TTC12: variants seen among roughly 807,000 people sequenced by gnomAD.
TTC12 encodes the protein tetratricopeptide repeat protein 12.
Under a neutral mutation model 90.1 loss-of-function variants are expected in TTC12, and 70 were observed. The observed-to-expected ratio is 0.78, with a 90% CI of 0.64 to 0.95. The LOEUF (loss-of-function observed/expected upper bound fraction) is 0.95. Ranked by LOEUF, TTC12 falls within the 40% of genes least tolerant of loss-of-function variation. The pLI is 0.00. For synonymous variants in TTC12, 296 were observed against 311.5 expected (o/e 0.95, Z 0.53); for missense variants, 819 against 846.1 (o/e 0.97, Z 0.40).
At chr11:113,327,138 C>G (rs892087327) in intron 6 of TTC12, among the ~76,000 whole-genome samples, 9 of 152,180 alleles carry the variant, frequency 5.9e-5, no homozygotes, top group Non-Finnish European at 1.2e-4. Flanking sequence ...TTCAGACTGT[C>G]TATACTCTGA....
At chr11:113,364,307 A>G in intron 20 of TTC12, 1 of 221,918 alleles carries the variant, frequency 4.5e-6, no homozygotes, top group Non-Finnish European at 9.0e-6. Context: ...AGTAACTTAA[A>G]CCGGCTGTAG....
chr11:113,365,458 A>T, intron 21 of TTC12: 1 of 224,320 alleles, frequency 4.5e-6, no homozygotes, highest in Non-Finnish European at 9.2e-6. Flanking sequence ...CAGACCCCCC[A>T]CTTCATGTTC....
chr11:113,359,399 G>T lies in TTC12; in HGVS notation c.1483G>T (p.Val495Phe), dbSNP rs782464370. 6.2e-7 allele frequency: 1 copy of T among 1,613,180 alleles called. No individual in the cohort carries two copies. Among genetic ancestry groups the T allele is most frequent in the Non-Finnish European group, 8.5e-7 (1 of 1,179,298 alleles). The change falls in exon 17 of 22, where the codon GTT becomes TTT. Residue 495 changes from valine to phenylalanine, a missense_variant. Coordinates refer to ENST00000529221, the MANE Select transcript of TTC12 (RefSeq NM_017868.4). The part of the protein sequence containing the change: ...CEEDVDLFRE[V>F]IYTLLGLMMN... Reference sequence around the variant, plus strand: ...GGAGGATGTGGACCTGTTCAGAGAGGTTATCTACACACTCCTGGGACTCAT... The same window carrying T: ...GGAGGATGTGGACCTGTTCAGAGAGTTTATCTACACACTCCTGGGACTCAT...
At chr11:113,327,516 G>A (rs1473892456) in intron 6 of TTC12, among the ~76,000 whole-genome samples, 5 of 152,046 alleles carry the variant, frequency 3.3e-5, no homozygotes, top group Admixed American at 1.3e-4. Context: ...ATAGATTGCC[G>A]GTATAATTTA....
intron 7 of TTC12, 106 bp from the exon 8 acceptor site, chr11:113,334,860 C>G: frequency 1.1e-6 from 1 of 874,628 alleles, no homozygotes; most frequent in East Asian, 2.8e-5. Context: ...GGTAGTTGCC[C>G]TGAGAATCAA....
rs574945887 is a variant in TTC12 at position 113,344,469 on chromosome 11, G to A, written c.1154+29G>A. 32 of 1,600,640 alleles carry A rather than the reference G, an allele frequency of 2.0e-5. No individual in the cohort carries two copies. The South Asian group carries it at 3.4e-4, about 17-fold the overall frequency. ...AGCCTCTGCTGGCAGGATCTTCCTG[G>A]GACATCTCATGTCATCACTTGACAA... is the stretch of plus-strand genomic sequence containing the variant. On this transcript the variant is annotated intron_variant, in intron 13 of 21. Transcript: ENST00000529221.
intron 8 of TTC12, 88 bp downstream of exon 8, chr11:113,335,125 T>C: frequency 1.0e-6 from 1 of 965,574 alleles, no homozygotes. Context: ...TTCTCCAAGC[T>C]GATTAGGTAT....
chr11:113,366,802 C>T (rs571598931), downstream of TTC12, among the ~76,000 whole-genome samples: 7 of 152,288 alleles, frequency 4.6e-5, no homozygotes, highest in South Asian at 2.1e-4. Context: ...CTGCATGTGC[C>T]GTTAAATTCA....
intron 6 of TTC12, among the ~76,000 whole-genome samples, chr11:113,328,491 C>G (rs1243299405): frequency 1.3e-5 from 2 of 152,062 alleles, no homozygotes; most frequent in African/African-American, 4.8e-5. Flanking sequence ...AAAGAGTGCC[C>G]CAGGCATTTG....
Position 113,316,247 on chromosome 11 carries a change from TC to T in TTC12, c.-9del. ...CCATTATGCTGCATCCCTTAGGGAT[TC>T]CGGTTCACAATGGATGCTGATAAAG... On this transcript the variant is annotated 5_prime_UTR_variant, in exon 2 of 22. Coordinates refer to ENST00000529221, the MANE Select transcript of TTC12 (RefSeq NM_017868.4). 6.9e-7 allele frequency: 1 copy of T among 1,443,642 alleles called. No homozygotes were observed. Among genetic ancestry groups the T allele is most frequent in the Non-Finnish European group, 9.2e-7 (1 of 1,092,424 alleles). 89.4% of individuals were successfully genotyped at this position (1,443,642 alleles called of 1,614,324 possible). A position where few individuals can be genotyped will look rare whatever the true frequency, so the allele number is the denominator to read the frequency against.
chr11:113,356,189 T>G (rs989554827), intron 16 of TTC12, among the ~76,000 whole-genome samples: 6 of 152,248 alleles, frequency 3.9e-5, no homozygotes, highest in African/African-American at 1.2e-4. Flanking sequence ...TACCAATATG[T>G]GTAATCCCTT....
chr11:113,362,346 G>T, intron 18 of TTC12, 55 bp from the exon 19 acceptor site: 1 of 1,371,406 alleles, frequency 7.3e-7, no homozygotes, highest in South Asian at 1.2e-5. Flanking sequence ...AGCTTTTAAA[G>T]GTTGTCAGCA....
In TTC12 at chr11:113,350,177, A is replaced by C; in HGVS notation, c.1247+12A>C. ...GCTCTGGAAGAAAGGTAATTTTTTT[A>C]TTTATAGAAATTGACATTTCTTCTT... On this transcript the variant is annotated intron_variant, in intron 14 of 21. Transcript: ENST00000529221. The C allele has an allele frequency of 6.4e-7, 1 of 1,565,122 alleles. No individual in the cohort carries two copies. Among genetic ancestry groups the C allele is most frequent in the South Asian group, 1.1e-5 (1 of 89,572 alleles).
In TTC12 at chr11:113,325,584, G is replaced by C; in HGVS notation, c.383G>C (p.Arg128Pro). 1 of 1,613,976 alleles carries C rather than the reference G, an allele frequency of 6.2e-7. No individual in the cohort carries two copies. Among genetic ancestry groups the C allele is most frequent in the Non-Finnish European group, 8.5e-7 (1 of 1,179,856 alleles). ...AEGNYETAIL[R>P]YSEGLEKLKD... ...GGCAATTATGAAACAGCTATCCTGC[G>C]CTACAGTGAGGGTTTGGAGAAGCTG... The change falls in exon 6 of 22, where the codon CGC becomes CCC. Residue 128 changes from arginine to proline, a missense_variant. Coordinates refer to ENST00000529221, the MANE Select transcript of TTC12 (RefSeq NM_017868.4).
chr11:113,339,963 C>T (rs193011698), intron 10 of TTC12, among the ~76,000 whole-genome samples: 6 of 152,290 alleles, frequency 3.9e-5, no homozygotes, highest in East Asian at 1.9e-4. Context: ...CATACCACCT[C>T]GTACACCTTC....
intron 16 of TTC12, among the ~76,000 whole-genome samples, chr11:113,353,426 A>G (rs1949425414): frequency 6.6e-6 from 1 of 151,790 alleles, no homozygotes; most frequent in Non-Finnish European, 1.5e-5. Context: ...TTGTCTGTTC[A>G]CTCTGTTGAT....
In TTC12 at chr11:113,351,294, G is replaced by GAAC; in HGVS notation, c.1303_1304insAAC (p.Val435delinsGluLeu). ...AGGTGTTCTCCCTGCACTCACAGGC[G>GAAC]TTCTGGTGAGCAAACTGTCATTTTC... On this transcript the variant is annotated protein_altering_variant, in exon 15 of 22. Transcript: ENST00000529221. 6.2e-7 allele frequency: 1 copy of GAAC among 1,613,748 alleles called. No individual in the cohort carries two copies. Among genetic ancestry groups the GAAC allele is most frequent in the Non-Finnish European group, 8.5e-7 (1 of 1,179,678 alleles).
At chr11:113,351,729 C>A (rs1361839487) in intron 15 of TTC12, among the ~76,000 whole-genome samples, 2 of 152,178 alleles carry the variant, frequency 1.3e-5, no homozygotes, top group Non-Finnish European at 2.9e-5. Flanking sequence ...GAGCCTATCC[C>A]TTATGAACCT....
At chr11:113,339,611 T>C (rs2137989585) in intron 10 of TTC12, 137 bp downstream of exon 10, 1 of 788,700 alleles carries the variant, frequency 1.3e-6, no homozygotes, top group East Asian at 2.6e-5. Flanking sequence ...ATGTAGCTGC[T>C]AAAAGGGGTG....
Sources: gnomAD v4.1 joint callset for allele counts (sites outside exome capture counted in the v4.1 genomes callset) on GRCh38, gnomAD v4.1.1 for gene constraint, MANE v1.5 for transcripts, NCBI Gene and HGNC (gene_info 2026-07-23, HGNC 2026-07-21) for gene names.